Variants in EVC observed in about 807,000 individuals in gnomAD.
EVC encodes the protein evC complex member EVC.
Under a neutral mutation model 118.9 loss-of-function variants are expected in EVC, and 116 were observed. The observed-to-expected ratio is 0.98, with a 90% CI of 0.84 to 1.14. EVC has a LOEUF of 1.14. Among genes scored for constraint, EVC ranks in the 50% most tolerant of loss-of-function variants. EVC has a pLI of 0.00. For synonymous variants in EVC, 619 were observed against 534.7 expected (o/e 1.16, Z -2.18); for missense variants, 1,401 against 1,246.4 (o/e 1.12, Z -1.87).
chr4:5,828,091 G>A, the EVC span: 6 of 985,288 alleles, frequency 6.1e-6, no homozygotes, highest in African/African-American at 1.0e-4. Context: ...CCAGACCCGA[G>A]GGTTTCTGAG....
the EVC span, chr4:5,824,483 C>A: frequency 4.2e-6 from 4 of 942,366 alleles, no homozygotes; most frequent in East Asian, 3.5e-4. Context: ...CACACGTCAT[C>A]CTCTCTCTCT....
In EVC at chr4:5,753,049, C is replaced by G. The variant is rs754239541; in HGVS notation, c.1312C>G (p.Arg438Gly). ...CTGGCAGGAGGCAGAGCGCTTCAGC[C>G]GGGGTGAGCCGTGGGCATGGGTGCC... ...AFWQEAERFS[R>G]EFVQRGKDLV... The change falls in exon 9 of 21, where the codon CGG becomes GGG. Residue 438 changes from arginine to glycine, a missense_variant. Arg to Gly is a moderately radical substitution (Grantham distance 125). Coordinates refer to ENST00000264956, the MANE Select transcript of EVC (RefSeq NM_153717.3). The G allele has an allele frequency of 2.5e-6, 4 of 1,588,000 alleles. No homozygotes were observed. In the African/African-American group the frequency reaches 4.0e-5, roughly 16 times the overall value.
At chr4:5,752,762 C>G (rs572866157) in intron 8 of EVC, 74 bp from the exon 9 acceptor site, 307 of 1,507,718 alleles carry the variant, frequency 2.0e-4, no homozygotes, top group Admixed American at 4.8e-4. Flanking sequence ...GTGGCTTCTT[C>G]TCAGCTGTTA....
At chr4:5,765,472 C>T (rs1732719707) in intron 11 of EVC, among the ~76,000 whole-genome samples, 1 of 115,654 alleles carries the variant, frequency 8.6e-6, no homozygotes, top group Non-Finnish European at 1.9e-5. Context: ...AACTTTCTGT[C>T]TCATTGATCT....
At chr4:5,748,428 GAA>G in intron 8 of EVC, 122 bp downstream of exon 8, 3 of 1,049,406 alleles carry the variant, frequency 2.9e-6, no homozygotes, top group South Asian at 1.6e-5. Flanking sequence ...GAGCCTCAGG[GAA>G]AAAAAAACCA....
intron 13 of EVC, among the ~76,000 whole-genome samples, chr4:5,795,518 G>A (rs994660875): frequency 9.2e-5 from 14 of 152,222 alleles, no homozygotes; most frequent in African/African-American, 3.1e-4. Flanking sequence ...TGGGCGTGGT[G>A]GCAGGTGCCT....
chr4:5,755,935 C>G lies in EVC; in HGVS notation c.1465-329C>G, dbSNP rs1344009896. Reference sequence around the variant, plus strand: ...CCCTGCTGGGTTCCCATCAGTGGGTCTTCCATGGCCTGGGTGGTCAGAAAG... The same window carrying G: ...CCCTGCTGGGTTCCCATCAGTGGGTGTTCCATGGCCTGGGTGGTCAGAAAG... On this transcript the variant is annotated intron_variant, in intron 10 of 20. Transcript: ENST00000264956. This position sits in a 1 kb window ranked among gnomAD's most constrained non-coding sequence, Gnocchi z 4.1. Among the ~76,000 whole-genome samples the G allele has an allele frequency of 6.6e-6, 1 of 152,156 alleles. No homozygotes were observed. The highest frequency in any genetic ancestry group is 1.5e-5 in the Non-Finnish European group (1 of 68,030).
Position 5,717,123 on chromosome 4 carries a change from C to T in EVC, c.175-2125C>T, listed in dbSNP as rs1372837174. On this transcript the variant is annotated intron_variant, in intron 1 of 20. Transcript: ENST00000264956. ...ACTTTTTTAGGTTGAATTGGGCTTC[C>T]AATCTTAGTCTTTCTCTCTCACTTC... is the stretch of plus-strand genomic sequence containing the variant. 2.0e-5 allele frequency among the ~76,000 whole-genome samples: 3 copies of T among 152,122 alleles called. No individual in the cohort carries two copies. In the East Asian group the frequency reaches 5.8e-4, roughly 29 times the overall value.
chr4:5,762,085 T>C (rs1178225421), intron 11 of EVC, among the ~76,000 whole-genome samples: 1 of 130,932 alleles, frequency 7.6e-6, no homozygotes, highest in Non-Finnish European at 1.6e-5. Flanking sequence ...CAGAGTGTGA[T>C]GTTCCCCTTC....
At chr4:5,823,326 T>A in the EVC span, among the ~76,000 whole-genome samples, 1 of 152,256 alleles carries the variant, frequency 6.6e-6, no homozygotes, top group Admixed American at 6.5e-5. Context: ...CAATATGTCT[T>A]CTTGCAATAC....
Position 5,753,911 on chromosome 4 carries a change from C to T in EVC, c.1442C>T (p.Ala481Val). Residue 481 changes from alanine (A) to valine (V), a missense_variant, in exon 10 of 21, where the codon GCT becomes GTT. By Grantham distance (64) the Ala-to-Val change is moderately conservative (BLOSUM62 0). Coordinates refer to ENST00000264956, the MANE Select transcript of EVC (RefSeq NM_153717.3). The part of the protein sequence containing the change: ...RSFLAEAQPT[A>V]DPEKFLEAFH... ...TTCCTGGCTGAGGCCCAGCCGACTG[C>T]TGACCCGGAAAAGTTTCTCGAGGTG... The T allele has an allele frequency of 2.5e-6, 4 of 1,613,496 alleles. No individual in the cohort carries two copies. The highest frequency in any genetic ancestry group is 3.4e-6 in the Non-Finnish European group (4 of 1,180,042).
In EVC at chr4:5,789,661, G is replaced by T. The variant is rs1264093203; in HGVS notation, c.1777-3947G>T. Among the ~76,000 whole-genome samples, 1 of 152,168 alleles carries T rather than the reference G, an allele frequency of 6.6e-6. No homozygotes were observed. The highest frequency in any genetic ancestry group is 6.5e-5 in the Admixed American group (1 of 15,272). On this transcript the variant is annotated intron_variant, in intron 12 of 20. Transcript: ENST00000264956. The surrounding 1 kb of genome is among the most constrained non-coding windows in gnomAD (Gnocchi z 4.3). ...GGCCACAAAATGACCTGGTAGCAAT[G>T]ACCAGCACTCTAGCCCGAGGAAGCA...
chr4:5,796,998 A>AC (rs753934094), intron 13 of EVC, 24 bp from the exon 14 acceptor site: 69 of 1,571,402 alleles, frequency 4.4e-5, no homozygotes, highest in Non-Finnish European at 5.9e-5. Flanking sequence ...CATTGACCCC[A>AC]CCCCTCACCT....
chr4:5,776,296 G>A (rs545171727), intron 11 of EVC, among the ~76,000 whole-genome samples: 14 of 152,066 alleles, frequency 9.2e-5, no homozygotes, highest in Non-Finnish European at 1.6e-4. Flanking sequence ...GTCATGTTTT[G>A]TTTTCTTTTT....
chr4:5,827,226 G>A, the EVC span, among the ~76,000 whole-genome samples: 1 of 152,232 alleles, frequency 6.6e-6, no homozygotes, highest in Non-Finnish European at 1.5e-5. Context: ...GACCAAGAAG[G>A]AAATGAAGCC....
At position 5,760,676 on chromosome 4, in the gene EVC, C is replaced by A. The variant is rs139478166; in HGVS notation, c.1563+4314C>A. ...CCAGAGATTCTTCTGCCTCAGCCTC[C>A]CGAGTGGCTGGAATTACAGGCATGT... On this transcript the variant is annotated intron_variant, in intron 11 of 20. Coordinates refer to ENST00000264956, the MANE Select transcript of EVC (RefSeq NM_153717.3). Among the ~76,000 whole-genome samples the A allele has an allele frequency of 9.1e-3, 1,392 of 152,228 alleles. 35 individuals are homozygous for A. The highest frequency in any genetic ancestry group is 0.032 in the African/African-American group (1,315 of 41,474).
At chr4:5,733,259 T>C in intron 4 of EVC, 92 bp from the exon 5 acceptor site, 6 of 993,596 alleles carry the variant, frequency 6.0e-6, no homozygotes, top group Middle Eastern at 2.1e-4. Flanking sequence ...CAGGGTGTGC[T>C]GTGGCTTGTA....
Position 5,711,282 on chromosome 4 carries a change from C to T in EVC, c.-99C>T. On this transcript the variant is annotated 5_prime_UTR_variant, in exon 1 of 21. Coordinates refer to ENST00000264956, the MANE Select transcript of EVC (RefSeq NM_153717.3). ...CAGAAAGTCTGCGGAGCGGGCCGCG[C>T]CCCTGGCCCGCCCGGGCTCCAAGTC... 3 of 813,062 alleles carry T rather than the reference C, an allele frequency of 3.7e-6. No homozygotes were observed. The highest frequency in any genetic ancestry group is 4.5e-6 in the Non-Finnish European group (3 of 671,584). The allele number at this position is 813,062 out of a possible 1,614,324, so 50.4% of individuals were successfully genotyped here.
At chr4:5,741,582 G>C (rs925660844) in intron 5 of EVC, 134 bp from the exon 6 acceptor site, 4 of 609,212 alleles carry the variant, frequency 6.6e-6, no homozygotes, top group Non-Finnish European at 1.2e-5. Context: ...AAATATACGT[G>C]AAGAGAGGGT....
Sources: gnomAD v4.1 joint callset for allele counts (sites outside exome capture counted in the v4.1 genomes callset) on GRCh38, gnomAD v4.1.1 for gene constraint, Gnocchi (gnomAD v3.1) non-coding constraint, MANE v1.5 for transcripts, NCBI Gene and HGNC (gene_info 2026-07-23, HGNC 2026-07-21) for gene names.